The following SHISA6 variants were observed in gnomAD, a reference collection of about 807,000 sequenced individuals.
The protein encoded by SHISA6 is protein shisa-6.
In SHISA6, 22 loss-of-function variants were observed where a neutral mutation model predicts 47.9. The ratio of observed to expected loss-of-function variants is 0.46; its 90% CI spans 0.33 to 0.66. The LOEUF (loss-of-function observed/expected upper bound fraction) is 0.66. Among genes scored for constraint, SHISA6 ranks in the 30% least tolerant of loss-of-function variants. SHISA6 has a pLI of 0.02. For missense variants in SHISA6, 680 were observed against 764.6 expected, an observed-to-expected ratio of 0.89 and a Z score of 1.30; for synonymous variants, 388 against 337.8, an observed-to-expected ratio of 1.15 and a Z score of -1.63.
chr17:11,353,680 G>A (rs1343701790), intron 2 of SHISA6, among the ~76,000 whole-genome samples: 4 of 152,128 alleles, frequency 2.6e-5, no homozygotes, highest in East Asian at 1.9e-4. Flanking sequence ...ATGGATGTGT[G>A]TGCTCAGAGG....
chr17:11,404,214 A>G (rs1171157498), intron 3 of SHISA6, among the ~76,000 whole-genome samples: 1 of 152,238 alleles, frequency 6.6e-6, no homozygotes, highest in Non-Finnish European at 1.5e-5. Context: ...CAAGAAAAAT[A>G]ACATATTTTT....
intron 3 of SHISA6, among the ~76,000 whole-genome samples, chr17:11,508,596 A>G (rs993509663): frequency 1.5e-5 from 1 of 65,224 alleles, no homozygotes; most frequent in Non-Finnish European, 2.8e-5. Context: ...CTCCCCTGCC[A>G]GTGCTCCCAG....
chr17:11,332,688 G>A (rs1911165335), intron 2 of SHISA6, among the ~76,000 whole-genome samples: 1 of 152,112 alleles, frequency 6.6e-6, no homozygotes, highest in African/African-American at 2.4e-5. Context: ...CCTCCTGCAG[G>A]TTTCCAGGCC....
chr17:11,288,935 T>A (rs1597441527), intron 2 of SHISA6: 1 of 152,218 alleles, frequency 6.6e-6, no homozygotes, highest in East Asian at 1.9e-4. Flanking sequence ...AATGGTTCTT[T>A]GTGTGGTTTA....
intron 3 of SHISA6, among the ~76,000 whole-genome samples, chr17:11,474,574 G>C (rs1361696766): frequency 6.6e-6 from 1 of 152,018 alleles, no homozygotes; most frequent in East Asian, 1.9e-4. Flanking sequence ...TTGCTTCATT[G>C]TATTACCTTT....
intron 2 of SHISA6, among the ~76,000 whole-genome samples, chr17:11,307,247 A>G (rs1910152638): frequency 6.6e-6 from 1 of 151,802 alleles, no homozygotes; most frequent in African/African-American, 2.4e-5. Context: ...GCTCTACTCA[A>G]GAGATCTCCA....
chr17:11,404,506 C>T (rs1210834044), intron 3 of SHISA6, among the ~76,000 whole-genome samples: 1 of 152,128 alleles, frequency 6.6e-6, no homozygotes, highest in Non-Finnish European at 1.5e-5. Flanking sequence ...TGGCAATTTC[C>T]TTCTGTTTGA....
chr17:11,524,081 AAAAG>A (rs146511716), intron 3 of SHISA6, among the ~76,000 whole-genome samples: 14,509 of 151,168 alleles, frequency 0.096, 825 homozygotes, highest in African/African-American at 0.16. Context: ...GAAAGAAAGA[AAAAG>A]AAAGAAAGAA....
At chr17:11,401,613 A>G (rs1913775809) in intron 3 of SHISA6, among the ~76,000 whole-genome samples, 1 of 152,246 alleles carries the variant, frequency 6.6e-6, no homozygotes, top group East Asian at 1.9e-4. Context: ...TCATCACAAT[A>G]GTAGGCTACA....
rs1001541992 is a variant in SHISA6 at position 11,241,304 on chromosome 17, G to A, written c.-119G>A. On this transcript the variant is annotated 5_prime_UTR_variant, in exon 1 of 6. Transcript: ENST00000441885. This position sits in a 1 kb window ranked among gnomAD's most constrained non-coding sequence, Gnocchi z 5.5. ...CGCGCCTCGATGGCGCCATCGCCCC[G>A]GAGCCGCTGACCGCTCAGCGCCTCC... 13 of 574,682 alleles carry A rather than the reference G, an allele frequency of 2.3e-5. No individual in the cohort carries two copies. Among genetic ancestry groups the A allele is most frequent in the Non-Finnish European group, 2.4e-5 (11 of 455,924 alleles). 35.6% of individuals were successfully genotyped at this position (574,682 alleles called of 1,614,324 possible). A position where few individuals can be genotyped will look rare whatever the true frequency, so the allele number is the denominator to read the frequency against.
intron 2 of SHISA6, among the ~76,000 whole-genome samples, chr17:11,271,458 A>G (rs1597432530): frequency 6.6e-6 from 1 of 152,100 alleles, no homozygotes. Context: ...TTATTTCGAG[A>G]TGGAGTTTCA....
intron 3 of SHISA6, among the ~76,000 whole-genome samples, chr17:11,414,189 CT>C (rs2142275575): frequency 6.6e-6 from 1 of 152,162 alleles, no homozygotes; most frequent in Admixed American, 6.5e-5. Flanking sequence ...GCTCCTGCTT[CT>C]TTTCTTCTGA....
chr17:11,489,467 A>G (rs191223453), intron 3 of SHISA6, among the ~76,000 whole-genome samples: 7 of 152,196 alleles, frequency 4.6e-5, no homozygotes, highest in South Asian at 4.2e-4. Context: ...AATATATTTT[A>G]TGTAATATTA....
At chr17:11,316,329 CTT>C (rs66540376) in intron 2 of SHISA6, among the ~76,000 whole-genome samples, 3 of 103,674 alleles carry the variant, frequency 2.9e-5, no homozygotes, top group Admixed American at 1.1e-4. Flanking sequence ...ATTTTCAGGT[CTT>C]TTTTTTTTTT....
intron 2 of SHISA6, among the ~76,000 whole-genome samples, chr17:11,282,553 C>G (rs2005813): frequency 0.77 from 117,591 of 151,920 alleles, 46,192 homozygotes; most frequent in Non-Finnish European, 0.85. Flanking sequence ...CCCCCAGTCC[C>G]CCACCTGCCG....
chr17:11,438,916 C>T (rs937425932), intron 3 of SHISA6, among the ~76,000 whole-genome samples: 2 of 152,058 alleles, frequency 1.3e-5, no homozygotes, highest in African/African-American at 2.4e-5. Context: ...TGATTTATAG[C>T]AAGTCTCAGG....
chr17:11,426,573 A>AAAT (rs1228562373), intron 3 of SHISA6, among the ~76,000 whole-genome samples: 1 of 152,198 alleles, frequency 6.6e-6, no homozygotes, highest in South Asian at 2.1e-4. Flanking sequence ...CCTCTGTTGG[A>AAAT]AATAGAATAT....
chr17:11,550,211 C>G (rs575299180), intron 3 of SHISA6, among the ~76,000 whole-genome samples: 2 of 152,238 alleles, frequency 1.3e-5, no homozygotes, highest in Middle Eastern at 3.4e-3. Context: ...CATGCCACCC[C>G]ATGTCTGTAT....
At chr17:11,554,716 C>T (rs1397722455) in intron 4 of SHISA6, among the ~76,000 whole-genome samples, 1 of 152,158 alleles carries the variant, frequency 6.6e-6, no homozygotes, top group Non-Finnish European at 1.5e-5. Flanking sequence ...GGCAGCCACT[C>T]ATTGACTTGT....
Sources: allele counts gnomAD v4.1 joint callset (sites outside exome capture counted in the v4.1 genomes callset), GRCh38; gene constraint gnomAD v4.1.1; non-coding constraint Gnocchi (gnomAD v3.1); transcripts MANE v1.5; gene names NCBI Gene and HGNC (gene_info 2026-07-23, HGNC 2026-07-21).